MAPKAPK5: variants seen among roughly 807,000 people sequenced by gnomAD.
MAPKAPK5 encodes the protein MAP kinase-activated protein kinase 5.
MAPKAPK5 carries 30 observed loss-of-function variants against 65.1 expected under a neutral mutation model. The observed-to-expected ratio is 0.46, with a 90% CI of 0.34 to 0.63. The LOEUF is 0.63. Ranked by LOEUF, MAPKAPK5 falls within the 20% of genes least tolerant of loss-of-function variation. MAPKAPK5 has a pLI of 0.01. For missense variants in MAPKAPK5, 433 were observed against 581.4 expected, an observed-to-expected ratio of 0.74 and a Z score of 2.63; for synonymous variants, 179 against 204.6, an observed-to-expected ratio of 0.87 and a Z score of 1.07.
At chr12:111,888,639 G>A (rs376873105) in intron 11 of MAPKAPK5, 21 bp downstream of exon 11, 32 of 1,612,472 alleles carry the variant, frequency 2.0e-5, no homozygotes, top group Non-Finnish European at 2.5e-5. Context: ...TTATTTCTTC[G>A]ATTCTTCTTC....
At position 111,870,272 on chromosome 12, in the gene MAPKAPK5, T is replaced by C; in HGVS notation, c.395T>C (p.Ile132Thr). 1.3e-6 allele frequency: 2 copies of C among 1,594,170 alleles called. No individual in the cohort carries two copies. The highest frequency in any genetic ancestry group is 1.7e-6 in the Non-Finnish European group (2 of 1,163,876). ...CTGTTTCATTGTGTCTTTTTTCAGATAGCTTTGGCTCTGCGGCACTGTCAC... is the reference window on the plus strand; with the variant it reads ...CTGTTTCATTGTGTCTTTTTTCAGACAGCTTTGGCTCTGCGGCACTGTCAC... ...EKQASQVTKQIALALRHCHLL... is the reference protein window; with the variant it reads ...EKQASQVTKQTALALRHCHLL... The change falls in exon 6 of 14, where the codon ATA becomes ACA. Residue 132 changes from isoleucine to threonine, a missense_variant and splice_region_variant. Ile to Thr is a moderately conservative substitution (Grantham distance 89). This residue lies in a region of MAPKAPK5 where 165 missense variants were observed against 180.0 expected (regional missense o/e 0.92). Transcript: ENST00000550735.
rs1199746266 is a variant in MAPKAPK5 at position 111,894,774 on chromosome 12, G to GTGTGTGTGTA, written c.*1722_*1723insATGTGTGTGT. On this transcript the variant is annotated 3_prime_UTR_variant, in exon 14 of 14. Transcript: ENST00000550735. Reference sequence around the variant, plus strand: ...AACCAATTTTCGTGTATATGTGTGTGTGTGTGTGTGTGTGTGTGAAGCAGT... The same window carrying GTGTGTGTGTA: ...AACCAATTTTCGTGTATATGTGTGTGTGTGTGTGTATGTGTGTGTGTGTGTGTGAAGCAGT... 3 of 150,794 alleles carry GTGTGTGTGTA rather than the reference G, an allele frequency of 2.0e-5. No individual in the cohort carries two copies. The highest frequency in any genetic ancestry group is 7.4e-5 in the African/African-American group (3 of 40,690). 9.3% of individuals were successfully genotyped at this position (150,794 alleles called of 1,614,324 possible). A position where few individuals can be genotyped will look rare whatever the true frequency, so the allele number is the denominator to read the frequency against.
intron 1 of MAPKAPK5, among the ~76,000 whole-genome samples, chr12:111,856,025 T>G (rs562805376): frequency 6.6e-6 from 1 of 151,822 alleles, no homozygotes; most frequent in African/African-American, 2.4e-5. Context: ...CTGGCTAATT[T>G]TGTACTTTTA....
chr12:111,886,049 G>A lies in MAPKAPK5; in HGVS notation c.969+13G>A, dbSNP rs752382302. ...GATGATGGACAAGGTTTTGAATGAT[G>A]TTTACTTTGTTGGCTGAAAAGACTG... On this transcript the variant is annotated intron_variant, in intron 10 of 13. Transcript: ENST00000550735. 2 of 1,613,864 alleles carry A rather than the reference G, an allele frequency of 1.2e-6. No homozygotes were observed. Among genetic ancestry groups the A allele is most frequent in the Non-Finnish European group, 1.7e-6 (2 of 1,179,844 alleles).
intron 7 of MAPKAPK5, among the ~76,000 whole-genome samples, chr12:111,872,642 T>A (rs1178059955): frequency 6.6e-6 from 1 of 152,250 alleles, no homozygotes; most frequent in East Asian, 1.9e-4. Context: ...AGTGCTATAA[T>A]CAAGGTGTCA....
chr12:111,854,398 C>T (rs1331682739), intron 1 of MAPKAPK5, among the ~76,000 whole-genome samples: 3 of 152,088 alleles, frequency 2.0e-5, no homozygotes, highest in African/African-American at 7.2e-5. Context: ...TGCGCCACCA[C>T]GCCCAGCTAA....
intron 10 of MAPKAPK5, 135 bp downstream of exon 10, chr12:111,886,171 T>A: frequency 7.6e-7 from 1 of 1,308,612 alleles, no homozygotes; most frequent in Non-Finnish European, 1.1e-6. Context: ...TCTGGTTTCC[T>A]GAGAGTCAGG....
At position 111,901,294 on chromosome 12, in the gene MAPKAPK5, A is replaced by G; in HGVS notation, c.*8233A>G. ...TGTAATGGGAAGGGAGTTTGTAATG[A>G]TTTAGGGCACTGCCACTGTAATGAA... On this transcript the variant is annotated 3_prime_UTR_variant, in exon 14 of 14. Coordinates refer to ENST00000550735, the MANE Select transcript of MAPKAPK5 (RefSeq NM_003668.4). The G allele has an allele frequency of 2.2e-6, 1 of 455,976 alleles. No homozygotes were observed. The highest frequency in any genetic ancestry group is 4.4e-6 in the Non-Finnish European group (1 of 226,794). The allele number at this position is 455,976 out of a possible 1,614,324, so 28.2% of individuals were successfully genotyped here.
At chr12:111,880,128 C>T (rs1394850752) in intron 7 of MAPKAPK5, 2 of 358,818 alleles carry the variant, frequency 5.6e-6, no homozygotes, top group Non-Finnish European at 1.1e-5. Context: ...CTGGACAGAT[C>T]TGCTTTCGCA....
Position 111,897,466 on chromosome 12 carries a change from A to G in MAPKAPK5, c.*4405A>G. On this transcript the variant is annotated 3_prime_UTR_variant, in exon 14 of 14. Coordinates refer to ENST00000550735, the MANE Select transcript of MAPKAPK5 (RefSeq NM_003668.4). Reference sequence around the variant, plus strand: ...ATATTTCATTTTAATTATTTATTTAAAGAGTAGAGTGTTCTTCCATTATTG... The same window carrying G: ...ATATTTCATTTTAATTATTTATTTAGAGAGTAGAGTGTTCTTCCATTATTG... 1 of 152,320 alleles carries G rather than the reference A, an allele frequency of 6.6e-6. No homozygotes were observed. Among genetic ancestry groups the G allele is most frequent in the Non-Finnish European group, 1.5e-5 (1 of 68,034 alleles). The allele number at this position is 152,320 out of a possible 1,614,324, so 9.4% of individuals were successfully genotyped here. A position where few individuals can be genotyped will look rare whatever the true frequency, so the allele number is the denominator to read the frequency against.
chr12:111,853,540 A>T (rs1289262872), intron 1 of MAPKAPK5, among the ~76,000 whole-genome samples: 1 of 151,922 alleles, frequency 6.6e-6, no homozygotes, highest in African/African-American at 2.4e-5. Flanking sequence ...ATAAAACAAA[A>T]TTTTTTTGTT....
intron 1 of MAPKAPK5, among the ~76,000 whole-genome samples, chr12:111,864,638 A>G (rs2069545307): frequency 6.6e-6 from 1 of 152,242 alleles, no homozygotes; most frequent in African/African-American, 2.4e-5. Flanking sequence ...TAGAGGCTCT[A>G]TCCTAAACTG....
At chr12:111,872,022 T>A (rs995601857) in intron 7 of MAPKAPK5, among the ~76,000 whole-genome samples, 1 of 152,238 alleles carries the variant, frequency 6.6e-6, no homozygotes, top group African/African-American at 2.4e-5. Flanking sequence ...CGTTAATTCC[T>A]TTTCATTGCC....
At position 111,895,032 on chromosome 12, in the gene MAPKAPK5, G is replaced by C. The variant is rs1208922839; in HGVS notation, c.*1971G>C. On this transcript the variant is annotated 3_prime_UTR_variant, in exon 14 of 14. Coordinates refer to ENST00000550735, the MANE Select transcript of MAPKAPK5 (RefSeq NM_003668.4). The stretch of plus-strand genomic sequence containing the variant: ...TAGTATGCCCTGTATGTGTGTGACT[G>C]CCTGTGGGAATAGATGATAAAAAAC... 1 of 151,168 alleles carries C rather than the reference G, an allele frequency of 6.6e-6. No individual in the cohort carries two copies. The highest frequency in any genetic ancestry group is 2.4e-5 in the African/African-American group (1 of 41,046). 9.4% of individuals were successfully genotyped at this position (151,168 alleles called of 1,614,324 possible).
At chr12:111,879,032 A>C (rs1010276370) in intron 7 of MAPKAPK5, among the ~76,000 whole-genome samples, 6 of 152,176 alleles carry the variant, frequency 3.9e-5, no homozygotes, top group African/African-American at 1.4e-4. Context: ...CTTTACAGTC[A>C]GCTGTTGATT....
At chr12:111,875,386 T>G (rs1389402952) in intron 7 of MAPKAPK5, among the ~76,000 whole-genome samples, 1 of 151,994 alleles carries the variant, frequency 6.6e-6, no homozygotes, top group Non-Finnish European at 1.5e-5. Flanking sequence ...ATGCCATTTT[T>G]TTTAAAATTT....
At chr12:111,843,078 C>T in intron 1 of MAPKAPK5, 1 of 398,712 alleles carries the variant, frequency 2.5e-6, no homozygotes, top group East Asian at 3.6e-5. Flanking sequence ...ACTACTACTA[C>T]TACACGTTTC....
At position 111,900,761 on chromosome 12, in the gene MAPKAPK5, C is replaced by T. The variant is rs928910812; in HGVS notation, c.*7700C>T. 6.6e-6 allele frequency: 3 copies of T among 455,978 alleles called. No individual in the cohort carries two copies. The highest frequency in any genetic ancestry group is 6.0e-5 in the African/African-American group (3 of 50,092). The allele number at this position is 455,978 out of a possible 1,614,324, so 28.2% of individuals were successfully genotyped here. ...GTCCTTCTAGTCGTTCCTGTGATCT[C>T]CCAGAATTTTGCAATGGTACATCTG... is the stretch of plus-strand genomic sequence containing the variant. On this transcript the variant is annotated 3_prime_UTR_variant, in exon 14 of 14. Coordinates refer to ENST00000550735, the MANE Select transcript of MAPKAPK5 (RefSeq NM_003668.4).
At chr12:111,854,576 C>T (rs1254957976) in intron 1 of MAPKAPK5, among the ~76,000 whole-genome samples, 2 of 151,848 alleles carry the variant, frequency 1.3e-5, no homozygotes, top group Non-Finnish European at 2.9e-5. Context: ...GGGTATTTTA[C>T]AGCCAGGTGT....
Sources: allele counts gnomAD v4.1 joint callset (sites outside exome capture counted in the v4.1 genomes callset), GRCh38; gene constraint gnomAD v4.1.1; regional missense constraint gnomAD v4.1.1; transcripts MANE v1.5; gene names NCBI Gene and HGNC (gene_info 2026-07-23, HGNC 2026-07-21).